TCF12: variants seen among roughly 807,000 people sequenced by gnomAD.
TCF12 encodes the protein DNA-binding protein HTF4.
Under a neutral mutation model 86.0 loss-of-function variants are expected in TCF12, and 45 were observed. The ratio of observed to expected loss-of-function variants is 0.52; its 90% CI spans 0.41 to 0.67. The LOEUF (loss-of-function observed/expected upper bound fraction) is 0.67, where lower values mean the gene tolerates loss of function less well. Among genes scored for constraint, TCF12 ranks in the 30% least tolerant of loss-of-function variants. The probability of loss-of-function intolerance (pLI) is 0.00; values close to 1 mark genes in which losing one functional copy is unlikely to be tolerated. For synonymous variants in TCF12, 330 were observed against 299.6 expected (o/e 1.10, Z -1.05); for missense variants, 881 against 859.9 (o/e 1.02, Z -0.31).
chr15:57,053,983 TAATG>T (rs2067814246), intron 3 of TCF12, among the ~76,000 whole-genome samples: 2 of 152,196 alleles, frequency 1.3e-5, no homozygotes, highest in Admixed American at 1.3e-4. Context: ...GGAGATTAAT[TAATG>T]AGTGAGTAAA....
intron 8 of TCF12, among the ~76,000 whole-genome samples, chr15:57,223,652 T>TTG (rs1566940704): frequency 7.2e-6 from 1 of 139,214 alleles, no homozygotes; most frequent in Admixed American, 7.4e-5. Context: ...GGTTTTTTTT[T>TTG]TTTTTTTTTT....
At chr15:57,130,983 A>G (rs185480587) in intron 5 of TCF12, among the ~76,000 whole-genome samples, 6 of 152,286 alleles carry the variant, frequency 3.9e-5, no homozygotes, top group Non-Finnish European at 8.8e-5. Context: ...TCACCTTTCT[A>G]TATTATTTTT....
At chr15:56,956,460 T>G (rs2061508675) in intron 3 of TCF12, among the ~76,000 whole-genome samples, 1 of 152,140 alleles carries the variant, frequency 6.6e-6, no homozygotes, top group Non-Finnish European at 1.5e-5. Flanking sequence ...TTCCATATAG[T>G]TAATGGAGTT....
At chr15:57,204,499 C>T (rs757151434) in intron 8 of TCF12, among the ~76,000 whole-genome samples, 1 of 151,948 alleles carries the variant, frequency 6.6e-6, no homozygotes, top group Non-Finnish European at 1.5e-5. Context: ...TGGTGCCTTT[C>T]TTTCTCCTAA....
At chr15:57,257,694 T>C (rs1268547515) in intron 16 of TCF12, among the ~76,000 whole-genome samples, 1 of 148,076 alleles carries the variant, frequency 6.8e-6, no homozygotes, top group Non-Finnish European at 1.5e-5. Flanking sequence ...TATATATATA[T>C]ATATATATAG....
At chr15:57,014,748 G>A (rs2065047208) in intron 3 of TCF12, among the ~76,000 whole-genome samples, 1 of 152,078 alleles carries the variant, frequency 6.6e-6, no homozygotes, top group Admixed American at 6.5e-5. Context: ...AGGGTTGACA[G>A]TCAGGTCAGA....
chr15:57,201,507 C>T (rs2057541932), intron 8 of TCF12, among the ~76,000 whole-genome samples: 1 of 151,928 alleles, frequency 6.6e-6, no homozygotes, highest in Admixed American at 6.6e-5. Flanking sequence ...AAAAGTACAG[C>T]ATTACTAGAT....
chr15:56,918,999 C>G (rs1339043814), intron 1 of TCF12, 93 bp downstream of exon 1: 1 of 151,942 alleles, frequency 6.6e-6, no homozygotes, highest in Non-Finnish European at 1.5e-5. Flanking sequence ...GGGGCGCCCC[C>G]GTCCCCCGCC....
intron 3 of TCF12, among the ~76,000 whole-genome samples, chr15:57,050,451 T>C (rs2067532309): frequency 6.6e-6 from 1 of 152,192 alleles, no homozygotes; most frequent in Non-Finnish European, 1.5e-5. Context: ...GTAATTTATC[T>C]TTTTTCTCTC....
chr15:57,234,163 G>GATT (rs2059287036), intron 12 of TCF12, 56 bp downstream of exon 12: 2 of 1,358,332 alleles, frequency 1.5e-6, no homozygotes, highest in Admixed American at 3.4e-5. Flanking sequence ...TGAATACAGT[G>GATT]ATTAGATTTT....
intron 3 of TCF12, among the ~76,000 whole-genome samples, chr15:56,980,575 A>G (rs1321207916): frequency 6.6e-6 from 1 of 152,210 alleles, no homozygotes; most frequent in African/African-American, 2.4e-5. Flanking sequence ...TTGTTGTAGT[A>G]CAAAACAGAC....
intron 3 of TCF12, among the ~76,000 whole-genome samples, chr15:56,934,840 C>T (rs888553627): frequency 6.6e-6 from 1 of 152,048 alleles, no homozygotes; most frequent in Non-Finnish European, 1.5e-5. Context: ...TTCATAGGAG[C>T]TATTTGCTGA....
At chr15:57,239,268 T>G (rs1031660806) in intron 12 of TCF12, among the ~76,000 whole-genome samples, 1 of 152,058 alleles carries the variant, frequency 6.6e-6, no homozygotes, top group Non-Finnish European at 1.5e-5. Context: ...GGAGAATCGC[T>G]TGAACCCAGG....
intron 18 of TCF12, among the ~76,000 whole-genome samples, chr15:57,264,068 T>C (rs2152063916): frequency 6.6e-6 from 1 of 152,174 alleles, no homozygotes; most frequent in Admixed American, 6.5e-5. Flanking sequence ...AACCTTAGCT[T>C]ACTGTATGTC....
intron 3 of TCF12, among the ~76,000 whole-genome samples, chr15:57,055,764 A>G (rs1369002719): frequency 1.3e-5 from 2 of 152,068 alleles, no homozygotes; most frequent in African/African-American, 2.4e-5. Flanking sequence ...TGTTGTGTCT[A>G]TGTATGGTTT....
intron 13 of TCF12, 120 bp downstream of exon 13, chr15:57,243,670 A>G (rs2059730107): frequency 1.2e-6 from 1 of 826,456 alleles, no homozygotes; most frequent in Non-Finnish European, 1.9e-6. Context: ...TTTGACTATA[A>G]GAAAGTGTGT....
At chr15:57,049,056 A>C (rs1217793133) in intron 3 of TCF12, among the ~76,000 whole-genome samples, 1 of 152,052 alleles carries the variant, frequency 6.6e-6, no homozygotes, top group Non-Finnish European at 1.5e-5. Context: ...GGTCACGTCC[A>C]CTTTCTGGGG....
intron 3 of TCF12, among the ~76,000 whole-genome samples, chr15:56,986,892 G>A (rs2063204945): frequency 2.0e-5 from 3 of 152,148 alleles, no homozygotes; most frequent in Admixed American, 2.0e-4. Context: ...TGTTTGGGAT[G>A]AAACAAAAAA....
intron 3 of TCF12, among the ~76,000 whole-genome samples, chr15:56,931,812 T>C (rs1429812063): frequency 6.6e-6 from 1 of 152,198 alleles, no homozygotes; most frequent in Admixed American, 6.5e-5. Flanking sequence ...AATAAACTAG[T>C]TTGCTGTAGT....
Sources: gnomAD v4.1 joint callset for allele counts (sites outside exome capture counted in the v4.1 genomes callset) on GRCh38, gnomAD v4.1.1 for gene constraint, MANE v1.5 for transcripts, NCBI Gene and HGNC (gene_info 2026-07-23, HGNC 2026-07-21) for gene names.